KIF24: variants seen among roughly 807,000 people sequenced by gnomAD.
KIF24 encodes kinesin family member 24.
KIF24 carries 81 observed loss-of-function variants against 118.9 expected under a neutral mutation model. That is an observed-to-expected ratio of 0.68 (90% CI 0.57 to 0.82). The LOEUF is 0.82. KIF24 is among the 40% of genes least tolerant of loss of function. The probability of loss-of-function intolerance (pLI) is 0.00; values close to 1 mark genes in which losing one functional copy is unlikely to be tolerated. For missense variants in KIF24, 1,560 were observed against 1,661.6 expected, an observed-to-expected ratio of 0.94 and a Z score of 1.06; for synonymous variants, 599 against 610.0, an observed-to-expected ratio of 0.98 and a Z score of 0.27.
intron 8 of KIF24, among the ~76,000 whole-genome samples, chr9:34,266,152 CA>C (rs1272495022): frequency 6.6e-6 from 1 of 152,166 alleles, no homozygotes; most frequent in Non-Finnish European, 1.5e-5. Flanking sequence ...CTTAACCTCC[CA>C]AAGTGCTGGG....
At position 34,297,098 on chromosome 9, in the gene KIF24, T is replaced by C. The variant is rs1269886530; in HGVS notation, c.830A>G (p.Asp277Gly). The change falls in exon 4 of 13, where the codon GAT (aspartate) becomes GGT (glycine). Residue 277 changes from aspartate to glycine, a missense_variant. Physicochemically the swap from Asp to Gly is moderately conservative, Grantham distance 94. This residue lies in a region of KIF24 where 964 missense variants were observed against 988.0 expected (regional missense o/e 0.98). Coordinates refer to ENST00000402558, the MANE Select transcript of KIF24 (RefSeq NM_194313.4). ...QYILQHVFYF[D>G]EVFGEACTNQ... ...GGTGCACGCCTCACCAAAGACTTCA[T>C]CAAAATAAAAAACATGCTGAAAAAT... is the stretch of plus-strand genomic sequence containing the variant. 33 of 1,574,024 alleles carry C rather than the reference T, an allele frequency of 2.1e-5. No individual in the cohort carries two copies. Among genetic ancestry groups the C allele is most frequent in the Non-Finnish European group, 2.8e-5 (32 of 1,154,608 alleles).
chr9:34,294,045 G>C (rs1409981831), intron 4 of KIF24, among the ~76,000 whole-genome samples: 3 of 152,048 alleles, frequency 2.0e-5, no homozygotes, highest in Non-Finnish European at 4.4e-5. Flanking sequence ...GATTATTGCA[G>C]CCTTGATCTC....
chr9:34,288,681 C>T (rs1224286447), intron 5 of KIF24, among the ~76,000 whole-genome samples: 1 of 151,786 alleles, frequency 6.6e-6, no homozygotes, highest in Non-Finnish European at 1.5e-5. Context: ...ATAGGTCTTC[C>T]CTAGTGAGCC....
chr9:34,256,793 C>T lies in KIF24; in HGVS notation c.2814G>A (p.Lys938=), dbSNP rs952747918. The T allele has an allele frequency of 2.5e-6, 4 of 1,613,914 alleles. No individual in the cohort carries two copies. Among genetic ancestry groups the T allele is most frequent in the Admixed American group, 3.3e-5 (2 of 60,006 alleles). ...TGAAATCTACCTGTGAACAGTATGG[C>T]TTCTCTGCCAGGCTGTCTCTGGGAG... The part of the protein sequence containing the change: ...GPSPRDSLAE[K]PYCSQVDFIY... The change falls in exon 11 of 13, where the codon AAG becomes AAA. Residue 938 remains lysine (K), a synonymous_variant. Transcript: ENST00000402558.
At chr9:34,281,887 T>C (rs1352677796) in intron 6 of KIF24, among the ~76,000 whole-genome samples, 1 of 152,206 alleles carries the variant, frequency 6.6e-6, no homozygotes, top group African/African-American at 2.4e-5. Flanking sequence ...AAGACTGCGA[T>C]GGCTGCATGT....
intron 2 of KIF24, among the ~76,000 whole-genome samples, chr9:34,306,758 C>T (rs57752922): frequency 8.6e-5 from 13 of 151,760 alleles, no homozygotes; most frequent in African/African-American, 2.9e-4. Flanking sequence ...GCCGAGATTG[C>T]GCCACTGCAC....
rs1288133084 is a variant in KIF24 at position 34,257,049 on chromosome 9, T to G, written c.2558A>C (p.Asp853Ala). 3.7e-6 allele frequency: 6 copies of G among 1,613,814 alleles called. No individual in the cohort carries two copies. Among genetic ancestry groups the G allele is most frequent in the Non-Finnish European group, 3.4e-6 (4 of 1,179,874 alleles). ...CCACGTCTGGTGCAGGAAGAATGAGTCTTCGCTATTCTCCAGGGTGTTCCT... is the reference window on the plus strand; with the variant it reads ...CCACGTCTGGTGCAGGAAGAATGAGGCTTCGCTATTCTCCAGGGTGTTCCT... The part of the protein sequence containing the change: ...KQRNTLENSE[D>A]SFFLHQTWGQ... The change falls in exon 11 of 13, where the codon GAC (aspartate) becomes GCC (alanine). Residue 853 changes from aspartate (D) to alanine (A), a missense_variant. Transcript: ENST00000402558.
At chr9:34,329,077 C>T (rs1223556931) in intron 1 of KIF24, among the ~76,000 whole-genome samples, 29 bp downstream of exon 1, 1 of 152,252 alleles carries the variant, frequency 6.6e-6, no homozygotes, top group Admixed American at 6.5e-5. Flanking sequence ...CAGACCTACC[C>T]CTCCTCTATT....
Position 34,259,631 on chromosome 9 carries a change from A to G in KIF24, c.1590T>C (p.Thr530=). 6.2e-7 allele frequency: 1 copy of G among 1,613,952 alleles called. No homozygotes were observed. Among genetic ancestry groups the G allele is most frequent in the South Asian group, 1.1e-5 (1 of 91,080 alleles). ...AGCGCAAGGTGTTGAGAGTGTGTTC[A>G]GTGGCCACGTGGCTTGGTGAGATGT... ...IANISPSHVA[T]EHTLNTLRYA... The change falls in exon 10 of 13, where the codon ACT becomes ACC. Residue 530 remains threonine (T), a synonymous_variant. Coordinates refer to ENST00000402558, the MANE Select transcript of KIF24 (RefSeq NM_194313.4).
intron 1 of KIF24, among the ~76,000 whole-genome samples, chr9:34,326,070 A>C (rs541437428): frequency 5.3e-5 from 8 of 152,252 alleles, no homozygotes; most frequent in African/African-American, 1.4e-4. Flanking sequence ...AAAACAGACA[A>C]GGTCAGCCAG....
At chr9:34,311,951 T>A (rs1837184945) in intron 1 of KIF24, among the ~76,000 whole-genome samples, 1 of 152,076 alleles carries the variant, frequency 6.6e-6, no homozygotes, top group Non-Finnish European at 1.5e-5. Context: ...GGACTAATTT[T>A]AGATGCTCAA....
At chr9:34,332,207 A>G (rs996034461), upstream of KIF24, among the ~76,000 whole-genome samples, 3 of 152,212 alleles carry the variant, frequency 2.0e-5, no homozygotes, top group Non-Finnish European at 2.9e-5. Flanking sequence ...CTGTTTACCA[A>G]TGAGATGTCA....
chr9:34,297,821 C>T (rs1836545559), intron 3 of KIF24, among the ~76,000 whole-genome samples: 2 of 151,256 alleles, frequency 1.3e-5, no homozygotes, highest in East Asian at 1.9e-4. Flanking sequence ...CTGTAGATTA[C>T]ACAGCTTAAC....
intron 10 of KIF24, among the ~76,000 whole-genome samples, chr9:34,258,843 G>C (rs1834951683): frequency 6.6e-6 from 1 of 152,170 alleles, no homozygotes; most frequent in Non-Finnish European, 1.5e-5. Context: ...TCTATTCCCA[G>C]GGTTTCTCAA....
intron 1 of KIF24, among the ~76,000 whole-genome samples, chr9:34,312,796 C>G (rs1837212531): frequency 6.6e-6 from 1 of 152,140 alleles, no homozygotes; most frequent in African/African-American, 2.4e-5. Context: ...CCTCCAGGTT[C>G]AAGCAATTCT....
At chr9:34,313,480 AATT>A (rs139096969) in intron 1 of KIF24, among the ~76,000 whole-genome samples, 109,242 of 148,474 alleles carry the variant, frequency 0.74, 41,109 homozygotes, top group East Asian at 0.95. Context: ...GTTTTTTAGA[AATT>A]ATTATTATTA....
chr9:34,287,422 A>T (rs990155986), intron 5 of KIF24, among the ~76,000 whole-genome samples: 4 of 152,168 alleles, frequency 2.6e-5, no homozygotes, highest in African/African-American at 9.7e-5. Context: ...ATGCCTTAGG[A>T]CTGCATTCAA....
At chr9:34,269,409 A>T (rs1399119335) in intron 7 of KIF24, 47 bp from the exon 8 acceptor site, 2 of 848,762 alleles carry the variant, frequency 2.4e-6, no homozygotes, top group Non-Finnish European at 1.8e-6. Flanking sequence ...GCTTTATTTT[A>T]TTTTATTTTA....
rs1291558246 is a variant in KIF24 at position 34,255,178 on chromosome 9, G to A, written c.3873-13C>T. 1 of 1,505,482 alleles carries A rather than the reference G, an allele frequency of 6.6e-7. No homozygotes were observed. The highest frequency in any genetic ancestry group is 1.9e-5 in the Admixed American group (1 of 52,776). 93.3% of individuals were successfully genotyped at this position (1,505,482 alleles called of 1,614,324 possible). On this transcript the variant is annotated splice_polypyrimidine_tract_variant and intron_variant, in intron 11 of 12. Coordinates refer to ENST00000402558, the MANE Select transcript of KIF24 (RefSeq NM_194313.4). Reference sequence around the variant, plus strand: ...GATGACCACCTGCCTGGGAACACCAGAGAGAACACTGTGATCTTCCTGGCC... The same window carrying A: ...GATGACCACCTGCCTGGGAACACCAAAGAGAACACTGTGATCTTCCTGGCC...
Sources: gnomAD v4.1 joint callset for allele counts (sites outside exome capture counted in the v4.1 genomes callset) on GRCh38, gnomAD v4.1.1 for gene constraint, gnomAD v4.1.1 regional missense constraint, MANE v1.5 for transcripts, NCBI Gene and HGNC (gene_info 2026-07-23, HGNC 2026-07-21) for gene names.